Variants in ACSM6 observed in about 807,000 individuals in gnomAD.
ACSM6 encodes acyl-CoA synthetase medium chain family member 6.
ACSM6 carries 35 observed loss-of-function variants against 51.1 expected under a neutral mutation model. The observed-to-expected ratio is 0.69, with a 90% CI of 0.52 to 0.91. The LOEUF (loss-of-function observed/expected upper bound fraction) is 0.91. Ranked by LOEUF, ACSM6 falls within the 40% of genes least tolerant of loss-of-function variation. The pLI is 0.00. For missense variants in ACSM6, 509 were observed against 584.1 expected (o/e 0.87, Z 1.32); for synonymous variants, 172 against 207.3 (o/e 0.83, Z 1.46).
chr10:95,227,797 G>A (rs1280443313), intron 10 of ACSM6, among the ~76,000 whole-genome samples: 1 of 152,268 alleles, frequency 6.6e-6, no homozygotes, highest in African/African-American at 2.4e-5. Context: ...GCCGGGCGCG[G>A]TGGCTCATGC....
rs553703476 is a variant in ACSM6, at chr10:95,216,004, C to A, written c.1119+1029C>A. Reference sequence around the variant, plus strand: ...AGTGCAGTGGTGTGACCATAGCTCCCTGCAGCCTCAAACTCCTGGGATCAA... The same window carrying A: ...AGTGCAGTGGTGTGACCATAGCTCCATGCAGCCTCAAACTCCTGGGATCAA... On this transcript the variant is annotated intron_variant, in intron 8 of 10. Coordinates refer to ENST00000341686, the Ensembl canonical transcript of ACSM6. Among the ~76,000 whole-genome samples the A allele has an allele frequency of 2.6e-5, 4 of 152,280 alleles. No individual in the cohort carries two copies. The South Asian group carries it at 8.3e-4, about 32-fold the overall frequency.
chr10:95,194,490 T>C (rs547739620), exon 2 of ACSM6: 2 of 1,551,544 alleles, frequency 1.3e-6, no homozygotes, highest in African/African-American at 2.7e-5. Flanking sequence ...ACCCAAATGC[T>C]AGGCCGATTT....
chr10:95,201,373 G>C (rs2034792658), intron 2 of ACSM6: 1 of 425,424 alleles, frequency 2.4e-6, no homozygotes, highest in African/African-American at 2.0e-5. Context: ...TGTACCCACT[G>C]TTTAACTCCC....
At chr10:95,198,740 A>AAAAT (rs1748982709) in intron 2 of ACSM6, among the ~76,000 whole-genome samples, 1 of 152,234 alleles carries the variant, frequency 6.6e-6, no homozygotes, top group Admixed American at 6.5e-5. Context: ...GGTTGACAAG[A>AAAAT]AAATAAAAAT....
rs960056800 is a variant in ACSM6 at position 95,200,587 on chromosome 10, A to AAAG, written c.193-1385_193-1383dup. On this transcript the variant is annotated intron_variant, in intron 2 of 10. Coordinates refer to ENST00000341686, the Ensembl canonical transcript of ACSM6. ...GAGGAAGAGGAAGAAGAAGATGAAG[A>AAAG]AAGAAGAAGAAGAAGGAGAAGGAGA... is the stretch of plus-strand genomic sequence containing the variant. Among the ~76,000 whole-genome samples, 17 of 126,970 alleles carry AAAG rather than the reference A, an allele frequency of 1.3e-4. No individual in the cohort carries two copies. The East Asian group carries it at 1.6e-3, about 12-fold the overall frequency. 83.3% of individuals were successfully genotyped at this position (126,970 alleles called of 152,430 possible).
intron 3 of ACSM6, among the ~76,000 whole-genome samples, chr10:95,204,710 C>T (rs1185981907): frequency 6.6e-6 from 1 of 151,698 alleles, no homozygotes; most frequent in Non-Finnish European, 1.5e-5. Flanking sequence ...TCAAATGAAC[C>T]ATTAAAAATT....
Position 95,210,640 on chromosome 10 carries a change from T to C in ACSM6, c.612-10T>C, listed in dbSNP as rs779331810. Reference sequence around the variant, plus strand: ...TTAGATCTCACTGTTGCCTCTTTCCTGGCTTACAGAGTTGCCCCTCCAAAG... The same window carrying C: ...TTAGATCTCACTGTTGCCTCTTTCCCGGCTTACAGAGTTGCCCCTCCAAAG... On this transcript the variant is annotated splice_polypyrimidine_tract_variant and intron_variant, in intron 4 of 10. Coordinates refer to ENST00000341686, the Ensembl canonical transcript of ACSM6. The C allele has an allele frequency of 1.9e-6, 3 of 1,610,758 alleles. No individual in the cohort carries two copies. The highest frequency in any genetic ancestry group is 3.4e-5 in the Admixed American group (2 of 59,222).
chr10:95,198,974 A>G (rs1481475350), intron 2 of ACSM6, among the ~76,000 whole-genome samples: 1 of 152,040 alleles, frequency 6.6e-6, no homozygotes, highest in Non-Finnish European at 1.5e-5. Context: ...GCTACCAAAG[A>G]CTTTCTTCAC....
exon 4 of ACSM6, chr10:95,207,255 C>T (rs778886954): frequency 2.7e-5 from 43 of 1,613,972 alleles, no homozygotes; most frequent in Non-Finnish European, 3.4e-5. Flanking sequence ...CAAGAAAATT[C>T]GCTATCAATT....
chr10:95,217,346 C>A (rs1427338424), intron 8 of ACSM6, among the ~76,000 whole-genome samples: 39 of 138,366 alleles, frequency 2.8e-4, no homozygotes, highest in Non-Finnish European at 2.9e-4. Flanking sequence ...GACTCCATCT[C>A]AAAAAAAAAA....
At chr10:95,210,929 G>A in intron 5 of ACSM6, 136 bp downstream of exon 5, 1 of 1,067,870 alleles carries the variant, frequency 9.4e-7, no homozygotes, top group Non-Finnish European at 1.3e-6. Flanking sequence ...GAAGGAACAG[G>A]GCTGAGGGCC....
chr10:95,196,876 A>C (rs2034729414), intron 2 of ACSM6, among the ~76,000 whole-genome samples: 1 of 152,200 alleles, frequency 6.6e-6, no homozygotes, highest in African/African-American at 2.4e-5. Flanking sequence ...TGTTGAACCA[A>C]GATGTATTTA....
At chr10:95,198,134 G>T (rs2034754761) in intron 2 of ACSM6, among the ~76,000 whole-genome samples, 1 of 152,120 alleles carries the variant, frequency 6.6e-6, no homozygotes, top group Admixed American at 6.5e-5. Flanking sequence ...ATTGTCTAAA[G>T]TACAGGTCTT....
Position 95,203,857 on chromosome 10 carries a change from T to TAAAA in ACSM6, c.403+1684_403+1687dup, listed in dbSNP as rs34969526. Among the ~76,000 whole-genome samples the TAAAA allele has an allele frequency of 7.5e-5, 8 of 106,866 alleles. No homozygotes were observed. In the East Asian group the frequency reaches 1.8e-3, roughly 25 times the overall value. The allele number at this position is 106,866 out of a possible 152,430, so 70.1% of individuals were successfully genotyped here. A position where few individuals can be genotyped will look rare whatever the true frequency, so the allele number is the denominator to read the frequency against. ...TGCCTGCTAACAGGGATGCTAGATT[T>TAAAA]AAAAAAAAAAAAAAAAAAAAAAAAA... On this transcript the variant is annotated intron_variant, in intron 3 of 10. Transcript: ENST00000341686.
At chr10:95,197,556 C>T (rs1160497984) in intron 2 of ACSM6, among the ~76,000 whole-genome samples, 1 of 152,188 alleles carries the variant, frequency 6.6e-6, no homozygotes, top group Non-Finnish European at 1.5e-5. Flanking sequence ...CCAAACATCT[C>T]AGTGGAGTAA....
At chr10:95,194,656 T>C in exon 2 of ACSM6, 1 of 1,552,082 alleles carries the variant, frequency 6.4e-7, no homozygotes, top group Non-Finnish European at 8.7e-7. Flanking sequence ...ATGTGTTGGA[T>C]CAGTGGTCCC....
At chr10:95,210,962 C>T (rs1394135904) in intron 5 of ACSM6, among the ~76,000 whole-genome samples, 169 bp downstream of exon 5, 1 of 152,158 alleles carries the variant, frequency 6.6e-6, no homozygotes, top group African/African-American at 2.4e-5. Context: ...AAGCAAATTA[C>T]TATAGTTCAA....
At chr10:95,199,797 A>G (rs560106995) in intron 2 of ACSM6, among the ~76,000 whole-genome samples, 1 of 152,362 alleles carries the variant, frequency 6.6e-6, no homozygotes, top group African/African-American at 2.4e-5. Context: ...CAAAACCACA[A>G]TGAGATACCA....
At chr10:95,199,861 G>A (rs903539856) in intron 2 of ACSM6, among the ~76,000 whole-genome samples, 2 of 152,210 alleles carry the variant, frequency 1.3e-5, no homozygotes, top group African/African-American at 4.8e-5. Context: ...AATAGGTGCT[G>A]GAGAGGATGT....
Sources: gnomAD v4.1 joint callset for allele counts (sites outside exome capture counted in the v4.1 genomes callset) on GRCh38, gnomAD v4.1.1 for gene constraint, MANE v1.5 for transcripts, NCBI Gene and HGNC (gene_info 2026-07-23, HGNC 2026-07-21) for gene names.